TMEM106A: variants seen among roughly 807,000 people sequenced by gnomAD.
The protein encoded by TMEM106A is transmembrane protein 106A.
A neutral mutation model predicts 25.1 loss-of-function variants in TMEM106A; 22 were observed. The observed-to-expected ratio is 0.88, with a 90% confidence interval of 0.63 to 1.25. The LOEUF is 1.25. TMEM106A is among the 50% of genes most tolerant of loss of function. The pLI is 0.00. For missense variants in TMEM106A, 275 were observed against 318.1 expected (o/e 0.86, Z 1.03); for synonymous variants, 104 against 129.9 (o/e 0.80, Z 1.35).
rs745569366 is a variant in TMEM106A at position 43,215,867 on chromosome 17, G to T, written c.355G>T (p.Val119Phe). ...CGTCTTTTTCCTGTTTCCCCGGTCC[G>T]TCATTGTGCAGCCTGCAGGCCTCAA... ...FIVFFLFPRSVIVQPAGLNSS... is the reference protein window; with the variant it reads ...FIVFFLFPRSFIVQPAGLNSS... Residue 119 changes from valine to phenylalanine, a missense_variant, in exon 5 of 9, where the codon GTC becomes TTC. Val to Phe is a conservative substitution (Grantham distance 50, BLOSUM62 -1). Transcript: ENST00000612339. 6.2e-7 allele frequency: 1 copy of T among 1,613,994 alleles called. No homozygotes were observed. The highest frequency in any genetic ancestry group is 8.5e-7 in the Non-Finnish European group (1 of 1,180,012).
At position 43,219,621 on chromosome 17, in the gene TMEM106A, A is replaced by T. The variant is rs1347053371; in HGVS notation, c.*1820A>T. On this transcript the variant is annotated 3_prime_UTR_variant, in exon 9 of 9. Transcript: ENST00000612339. ...ATGGCGCACACCTGTAATCCCACCT[A>T]CTCAGGAGGCTGAGGCAGGAGAATC... 6.6e-6 allele frequency: 1 copy of T among 150,834 alleles called. No homozygotes were observed. The highest frequency in any genetic ancestry group is 1.5e-5 in the Non-Finnish European group (1 of 67,820). The allele number at this position is 150,834 out of a possible 1,614,324, so 9.3% of individuals were successfully genotyped here.
rs959543501 is a variant in TMEM106A at position 43,213,825 on chromosome 17, T to G, written c.212-3T>G. The G allele has an allele frequency of 9.3e-6, 15 of 1,613,964 alleles. No homozygotes were observed. The highest frequency in any genetic ancestry group is 3.3e-5 in the Admixed American group (2 of 59,994). The stretch of plus-strand genomic sequence containing the variant: ...CCCTCCCTCTCACCTTCTCTCTCTC[T>G]AGAGCTGGAGAAGCAGTTGGTGGCT... On this transcript the variant is annotated splice_region_variant and splice_polypyrimidine_tract_variant and intron_variant, in intron 3 of 8. Transcript: ENST00000612339.
chr17:43,213,863 G>A lies in TMEM106A; in HGVS notation c.247G>A (p.Gly83Arg). Residue 83 changes from glycine (G) to arginine (R), a missense_variant, in exon 4 of 9, where the codon GGG becomes AGG. Transcript: ENST00000612339. Reference protein sequence around the residue: ...EKQLVALIPYGDQRLKPKHTK... With the variant: ...EKQLVALIPYRDQRLKPKHTK... Reference sequence around the variant, plus strand: ...GCAGTTGGTGGCTCTCATTCCCTATGGGGACCAGAGGCTGAAGCCCAAGCA... The same window carrying A: ...GCAGTTGGTGGCTCTCATTCCCTATAGGGACCAGAGGCTGAAGCCCAAGCA... The A allele has an allele frequency of 6.2e-7, 1 of 1,614,130 alleles. No individual in the cohort carries two copies. Among genetic ancestry groups the A allele is most frequent in the African/African-American group, 1.3e-5 (1 of 75,028 alleles).
At position 43,213,774 on chromosome 17, in the gene TMEM106A, A is replaced by G. The variant is rs375432476; in HGVS notation, c.212-54A>G. The G allele has an allele frequency of 2.7e-5, 42 of 1,574,776 alleles. No homozygotes were observed. The African/African-American group carries it at 5.5e-4, about 21-fold the overall frequency. On this transcript the variant is annotated intron_variant, in intron 3 of 8. Coordinates refer to ENST00000612339, the MANE Select transcript of TMEM106A (RefSeq NM_145041.4). The stretch of plus-strand genomic sequence containing the variant: ...CGTGCTTCTGGGAAGCTGGCACAGT[A>G]AATATTTGTCACAGTTGCATCTTGG...
At chr17:43,214,973 A>C (rs1187188667) in intron 4 of TMEM106A, among the ~76,000 whole-genome samples, 1 of 148,730 alleles carries the variant, frequency 6.7e-6, no homozygotes, top group African/African-American at 2.5e-5. Flanking sequence ...AAAAAAAAAA[A>C]ACAAAAAAAA....
At chr17:43,212,608 C>T (rs1350752343) in intron 2 of TMEM106A, among the ~76,000 whole-genome samples, 7 of 152,174 alleles carry the variant, frequency 4.6e-5, no homozygotes, top group Non-Finnish European at 8.8e-5. Flanking sequence ...GTCTTAACCA[C>T]ACCTGTGACC....
intron 4 of TMEM106A, among the ~76,000 whole-genome samples, chr17:43,215,163 A>C (rs2154582596): frequency 6.6e-6 from 1 of 152,192 alleles, no homozygotes; most frequent in South Asian, 2.1e-4. Context: ...GAATGGCGTG[A>C]ACCCGGGAGG....
At chr17:43,215,197 C>G (rs1041733766) in intron 4 of TMEM106A, among the ~76,000 whole-genome samples, 4 of 151,676 alleles carry the variant, frequency 2.6e-5, no homozygotes, top group African/African-American at 9.7e-5. Context: ...GAGCCGAGAT[C>G]GTGCCACTGC....
intron 8 of TMEM106A, 49 bp from the exon 9 acceptor site, chr17:43,217,632 G>A (rs758655941): frequency 6.2e-7 from 1 of 1,611,896 alleles, no homozygotes; most frequent in South Asian, 1.1e-5. Context: ...TGGGGCCAGA[G>A]CTTTCCTTTT....
At chr17:43,216,895 C>A in intron 7 of TMEM106A, 155 bp downstream of exon 7, 1 of 948,776 alleles carries the variant, frequency 1.1e-6, no homozygotes, top group Non-Finnish European at 1.6e-6. Flanking sequence ...GGTTCAGGGT[C>A]CCCAGCCTCT....
rs1156576024 is a variant in TMEM106A, at chr17:43,219,333, C to T, written c.*1532C>T. ...GGTCTAGACCCTCCCTTTCCTGTCA[C>T]TTAGCTGGAGCTAAGCTCCAGATAA... On this transcript the variant is annotated 3_prime_UTR_variant, in exon 9 of 9. Coordinates refer to ENST00000612339, the MANE Select transcript of TMEM106A (RefSeq NM_145041.4). 3 of 152,190 alleles carry T rather than the reference C, an allele frequency of 2.0e-5. No individual in the cohort carries two copies. The highest frequency in any genetic ancestry group is 4.4e-5 in the Non-Finnish European group (3 of 68,040). 9.4% of individuals were successfully genotyped at this position (152,190 alleles called of 1,614,324 possible). A position where few individuals can be genotyped will look rare whatever the true frequency, so the allele number is the denominator to read the frequency against.
chr17:43,213,996 C>A, intron 4 of TMEM106A, 105 bp downstream of exon 4: 2 of 1,201,058 alleles, frequency 1.7e-6, no homozygotes, highest in Non-Finnish European at 2.4e-6. Flanking sequence ...ATTAGTTCTT[C>A]CATAGAAAGC....
rs191542246 is a variant in TMEM106A, at chr17:43,214,972, A to C, written c.276-816A>C. Among the ~76,000 whole-genome samples the C allele has an allele frequency of 2.3e-4, 35 of 149,746 alleles. No homozygotes were observed. The East Asian group carries it at 3.0e-3, about 13-fold the overall frequency. ...GAGGCCTCATCTGAAAAAAAAAAAA[A>C]AACAAAAAAAAACCCTGTAATCCCA... On this transcript the variant is annotated intron_variant, in intron 4 of 8. Coordinates refer to ENST00000612339, the MANE Select transcript of TMEM106A (RefSeq NM_145041.4).
Position 43,217,844 on chromosome 17 carries a change from C to T in TMEM106A, c.*43C>T. On this transcript the variant is annotated 3_prime_UTR_variant, in exon 9 of 9. Transcript: ENST00000612339. ...TACTCCAGGCACCTGCAACCCTGGT[C>T]TATATCTCCCACAACTCCCTGGTGA... The T allele has an allele frequency of 6.2e-7, 1 of 1,612,046 alleles. No individual in the cohort carries two copies. The highest frequency in any genetic ancestry group is 8.5e-7 in the Non-Finnish European group (1 of 1,178,868).
At position 43,216,722 on chromosome 17, in the gene TMEM106A, T is replaced by TA. The variant is rs776319833; in HGVS notation, c.597dup (p.Arg200ThrfsTer3). On this transcript the variant is annotated frameshift_variant, in exon 7 of 9. Transcript: ENST00000612339. LOFTEE classifies it high-confidence loss of function. ...ATGTTTTACGCAGTAGCTACCAAGA[T>TA]ACGGGATGAAAACACATAGTGAGTA... The TA allele has an allele frequency of 2.5e-6, 4 of 1,614,234 alleles. No homozygotes were observed. Among genetic ancestry groups the TA allele is most frequent in the Non-Finnish European group, 3.4e-6 (4 of 1,180,044 alleles).
Position 43,217,983 on chromosome 17 carries a change from A to C in TMEM106A, c.*182A>C. On this transcript the variant is annotated 3_prime_UTR_variant, in exon 9 of 9. Transcript: ENST00000612339. ...TTTGAAGTTAACTTCATACACACAC[A>C]CTCATATCCTCCAGTTTCCCCCAGA... The C allele has an allele frequency of 2.7e-6, 2 of 753,868 alleles. No homozygotes were observed. Among genetic ancestry groups the C allele is most frequent in the Admixed American group, 2.6e-5 (1 of 38,570 alleles). 46.7% of individuals were successfully genotyped at this position (753,868 alleles called of 1,614,324 possible). A position where few individuals can be genotyped will look rare whatever the true frequency, so the allele number is the denominator to read the frequency against.
intron 5 of TMEM106A, chr17:43,216,195 G>A (rs1258691455): frequency 9.2e-6 from 6 of 652,040 alleles, no homozygotes; most frequent in Admixed American, 2.9e-5. Context: ...CAGTGCCTGA[G>A]ACTCTCTGGA....
intron 7 of TMEM106A, 24 bp downstream of exon 7, chr17:43,216,764 C>A (rs765008680): frequency 1.2e-6 from 2 of 1,614,128 alleles, no homozygotes; most frequent in Non-Finnish European, 1.7e-6. Flanking sequence ...GATCTCTTCT[C>A]CCCTAGCCAC....
chr17:43,217,142 C>T (rs1053391139), intron 7 of TMEM106A, 117 bp from the exon 8 acceptor site: 2 of 1,068,446 alleles, frequency 1.9e-6, no homozygotes, highest in Non-Finnish European at 2.9e-6. Context: ...TTTGGGGGCA[C>T]CTGATGGAAG....
Sources: gnomAD v4.1 joint callset for allele counts (sites outside exome capture counted in the v4.1 genomes callset) on GRCh38, gnomAD v4.1.1 for gene constraint, MANE v1.5 for transcripts, NCBI Gene and HGNC (gene_info 2026-07-23, HGNC 2026-07-21) for gene names.